The following DCDC2B variants were observed in gnomAD, a reference collection of about 807,000 sequenced individuals.
DCDC2B encodes the protein doublecortin domain-containing protein 2B.
DCDC2B carries 41 observed loss-of-function variants against 38.9 expected under a neutral mutation model. The ratio of observed to expected loss-of-function variants is 1.05; its 90% confidence interval spans 0.82 to 1.37. The LOEUF (loss-of-function observed/expected upper bound fraction) is 1.37, where lower values mean the gene tolerates loss of function less well. DCDC2B is among the 40% of genes most tolerant of loss of function. The pLI, the probability that DCDC2B is intolerant of heterozygous loss-of-function variation, is 0.00. For missense variants in DCDC2B, 453 were observed against 427.2 expected (o/e 1.06, Z -0.53); for synonymous variants, 181 against 171.9 (o/e 1.05, Z -0.41).
Position 32,212,143 on chromosome 1 carries a change from G to A in DCDC2B, c.469G>A (p.Glu157Lys). The change falls in exon 4 of 9, where the codon GAA becomes AAA. Residue 157 changes from glutamate to lysine, a missense_variant. Transcript: ENST00000409358. ...KLSQAASQDW[E>K]TVLKLLTEKV... Reference sequence around the variant, plus strand: ...GTCCCAGGCTGCCAGCCAGGACTGGGAAACTGTGTTGAAGCTCCTGACTGA... The same window carrying A: ...GTCCCAGGCTGCCAGCCAGGACTGGAAAACTGTGTTGAAGCTCCTGACTGA... 2 of 1,613,876 alleles carry A rather than the reference G, an allele frequency of 1.2e-6. No individual in the cohort carries two copies. The highest frequency in any genetic ancestry group is 1.7e-6 in the Non-Finnish European group (2 of 1,179,848).
rs560237724 is a variant in DCDC2B at position 32,211,979 on chromosome 1, G to C, written c.396-91G>C. 3.2e-6 allele frequency: 5 copies of C among 1,548,920 alleles called. No homozygotes were observed. The African/African-American group carries it at 5.4e-5, about 17-fold the overall frequency. Reference sequence around the variant, plus strand: ...ATGCTTGATGGGTGAAGAGAGACCAGTGTTATGGTTATTGCTGGCCCTGTG... The same window carrying C: ...ATGCTTGATGGGTGAAGAGAGACCACTGTTATGGTTATTGCTGGCCCTGTG... On this transcript the variant is annotated intron_variant, in intron 3 of 8. Transcript: ENST00000409358.
rs757918215 is a variant in DCDC2B at position 32,212,504 on chromosome 1, A to C, written c.542A>C (p.Glu181Ala). Residue 181 changes from glutamate (E) to alanine (A), a missense_variant, in exon 5 of 9, where the codon GAG becomes GCG. Transcript: ENST00000409358. The stretch of plus-strand genomic sequence containing the variant: ...CTCTCTCCCAGACTCTGCACCCTAG[A>C]GGGGCTCCCACTGTCAGCAGGGAAG... ...SGAVCKLCTL[E>A]GLPLSAGKEL... is the part of the protein sequence containing the mutation. 6.2e-7 allele frequency: 1 copy of C among 1,613,954 alleles called. No homozygotes were observed. Among genetic ancestry groups the C allele is most frequent in the Admixed American group, 1.7e-5 (1 of 60,022 alleles).
At chr1:32,211,406 G>C in intron 2 of DCDC2B, 83 bp downstream of exon 2, 1 of 1,465,888 alleles carries the variant, frequency 6.8e-7, no homozygotes, top group Non-Finnish European at 9.5e-7. Flanking sequence ...TGGGAAGCCA[G>C]GGAAGCAGCA....
intron 6 of DCDC2B, among the ~76,000 whole-genome samples, chr1:32,213,358 C>T (rs1220234009): frequency 3.4e-5 from 5 of 146,362 alleles, no homozygotes; most frequent in African/African-American, 1.0e-4. Flanking sequence ...TTTTTTGAGA[C>T]GGAGTTTCAC....
chr1:32,214,126 A>G (rs1045713193), intron 6 of DCDC2B, among the ~76,000 whole-genome samples: 2 of 151,836 alleles, frequency 1.3e-5, no homozygotes, highest in African/African-American at 4.8e-5. Context: ...CCTGGCCAAC[A>G]TGGTAAAACC....
rs1643722757 is a variant in DCDC2B, at chr1:32,214,594, C to T, written c.715-203C>T. The T allele has an allele frequency of 6.3e-6, 4 of 636,300 alleles. No individual in the cohort carries two copies. The Admixed American group carries it at 9.3e-5, about 15-fold the overall frequency. 39.4% of individuals were successfully genotyped at this position (636,300 alleles called of 1,614,324 possible). On this transcript the variant is annotated intron_variant, in intron 6 of 8. Coordinates refer to ENST00000409358, the MANE Select transcript of DCDC2B (RefSeq NM_001099434.2). Reference sequence around the variant, plus strand: ...TGGTTTCACTGGGCATCGAGGAGTGCCAGGCATCTACTGCTCTGTCCCTGG... The same window carrying T: ...TGGTTTCACTGGGCATCGAGGAGTGTCAGGCATCTACTGCTCTGTCCCTGG...
Position 32,215,408 on chromosome 1 carries a change from G to A in DCDC2B, c.851-32G>A, listed in dbSNP as rs148605394. On this transcript the variant is annotated intron_variant, in intron 7 of 8. Transcript: ENST00000409358. ...AGGAATGCTGAGGGCTCTTCAGCCTGGGCATCACCCAGTGCTGCCTCCCCT... is the reference window on the plus strand; with the variant it reads ...AGGAATGCTGAGGGCTCTTCAGCCTAGGCATCACCCAGTGCTGCCTCCCCT... The A allele has an allele frequency of 5.1e-6, 8 of 1,559,628 alleles. No individual in the cohort carries two copies. The East Asian group carries it at 1.4e-4, about 26-fold the overall frequency.
intron 6 of DCDC2B, 55 bp downstream of exon 6, chr1:32,212,848 A>G: frequency 6.3e-7 from 1 of 1,587,880 alleles, no homozygotes; most frequent in Non-Finnish European, 8.6e-7. Flanking sequence ...ACTGGCTGAC[A>G]ACTCTTCTGG....
intron 6 of DCDC2B, 177 bp from the exon 7 acceptor site, chr1:32,214,620 A>G (rs190890916): frequency 3.6e-6 from 3 of 836,976 alleles, no homozygotes; most frequent in Admixed American, 2.9e-5. Context: ...CTGTCCCTGG[A>G]TAAGTCAGGC....
chr1:32,211,838 G>A lies in DCDC2B; in HGVS notation c.395+1G>A. On this transcript the variant is annotated splice_donor_variant, in intron 3 of 8. Transcript: ENST00000409358. LOFTEE classifies it high-confidence loss of function. Reference sequence around the variant, plus strand: ...CTGCAGGTGCTCCCAGCTATATCCAGTGAGTGCCAGTGTGAGGGAGCAGGG... The same window carrying A: ...CTGCAGGTGCTCCCAGCTATATCCAATGAGTGCCAGTGTGAGGGAGCAGGG... The A allele has an allele frequency of 6.2e-7, 1 of 1,606,714 alleles. No individual in the cohort carries two copies. The highest frequency in any genetic ancestry group is 1.1e-5 in the South Asian group (1 of 89,424).
In DCDC2B at chr1:32,212,487, C is replaced by A; in HGVS notation, c.528-3C>A. On this transcript the variant is annotated splice_polypyrimidine_tract_variant and splice_region_variant and intron_variant, in intron 4 of 8. Transcript: ENST00000409358. ...CCTTATCCTCCTCACCTCTCTCTCC[C>A]AGACTCTGCACCCTAGAGGGGCTCC... The A allele has an allele frequency of 3.7e-6, 6 of 1,613,916 alleles. No individual in the cohort carries two copies. The highest frequency in any genetic ancestry group is 5.1e-6 in the Non-Finnish European group (6 of 1,179,818).
intron 1 of DCDC2B, among the ~76,000 whole-genome samples, chr1:32,210,615 A>C: frequency 6.6e-6 from 1 of 152,186 alleles, no homozygotes; most frequent in East Asian, 1.9e-4. Flanking sequence ...ATTTCTTGGA[A>C]TCTCATACAA....
At chr1:32,211,443 TTG>T in intron 2 of DCDC2B, 120 bp downstream of exon 2, 1 of 1,004,126 alleles carries the variant, frequency 1.0e-6, no homozygotes, top group African/African-American at 1.6e-5. Flanking sequence ...GGGGGGTACT[TTG>T]GAGCCAGCTA....
chr1:32,209,529 A>T (rs1049680865), intron 1 of DCDC2B, among the ~76,000 whole-genome samples, 170 bp downstream of exon 1: 11 of 152,322 alleles, frequency 7.2e-5, no homozygotes, highest in African/African-American at 2.4e-4. Flanking sequence ...AAACCTGCCT[A>T]AAAGTACATA....
intron 1 of DCDC2B, among the ~76,000 whole-genome samples, chr1:32,210,523 G>GA (rs905983077): frequency 4.6e-5 from 7 of 150,680 alleles, no homozygotes; most frequent in South Asian, 2.1e-4. Flanking sequence ...GAGAAAAAAA[G>GA]AAAAAAAAGG....
rs1369407379 is a variant in DCDC2B, at chr1:32,212,131, A to G, written c.457A>G (p.Ser153Gly). 1 of 1,613,942 alleles carries G rather than the reference A, an allele frequency of 6.2e-7. No homozygotes were observed. The highest frequency in any genetic ancestry group is 1.7e-5 in the Admixed American group (1 of 60,026). Reference protein sequence around the residue: ...PFSLKLSQAASQDWETVLKLL... With the variant: ...PFSLKLSQAAGQDWETVLKLL... The stretch of plus-strand genomic sequence containing the variant: ...TAGTCTGAAGCTGTCCCAGGCTGCC[A>G]GCCAGGACTGGGAAACTGTGTTGAA... The change falls in exon 4 of 9, where the codon AGC becomes GGC. Residue 153 changes from serine to glycine, a missense_variant. Physicochemically the swap from Ser to Gly is moderately conservative, Grantham distance 56. Transcript: ENST00000409358.
chr1:32,215,472 AG>A lies in DCDC2B; in HGVS notation c.885del (p.Lys296ArgfsTer9), dbSNP rs753109418. 1 of 1,613,554 alleles carries A rather than the reference AG, an allele frequency of 6.2e-7. No individual in the cohort carries two copies. The highest frequency in any genetic ancestry group is 1.7e-5 in the Admixed American group (1 of 59,994). Reference protein sequence around the residue: ...VIGVYGAPHRRKETAGALEVA... With the variant: ...VIGVYGAPHRXKETAGALEVA... Reference sequence around the variant, plus strand: ...AGGAGTATATGGAGCTCCCCACCGAAGGAAGGAGACAGCGGGGGCCCTGGAA... The same window carrying A: ...AGGAGTATATGGAGCTCCCCACCGAAGAAGGAGACAGCGGGGGCCCTGGAA... On this transcript the variant is annotated frameshift_variant, in exon 8 of 9. Transcript: ENST00000409358. LOFTEE classifies it high-confidence loss of function.
intron 6 of DCDC2B, among the ~76,000 whole-genome samples, chr1:32,213,508 T>G (rs1569766561): frequency 7.0e-6 from 1 of 143,768 alleles, no homozygotes; most frequent in Non-Finnish European, 1.5e-5. Flanking sequence ...GGCTAATTTT[T>G]TTTTTTTTTT....
chr1:32,210,325 T>TTA (rs1643530232), intron 1 of DCDC2B, among the ~76,000 whole-genome samples: 3 of 78,746 alleles, frequency 3.8e-5, no homozygotes, highest in Non-Finnish European at 5.0e-5. Flanking sequence ...AAACTCCATC[T>TTA]AAAAAAAAAA....
Sources: gnomAD v4.1 joint callset for allele counts (sites outside exome capture counted in the v4.1 genomes callset) on GRCh38, gnomAD v4.1.1 for gene constraint, MANE v1.5 for transcripts, NCBI Gene and HGNC (gene_info 2026-07-23, HGNC 2026-07-21) for gene names.